Variants in LRMDA observed in about 807,000 individuals in gnomAD.
LRMDA encodes leucine-rich melanocyte differentiation-associated protein.
Under a neutral mutation model 29.8 loss-of-function variants are expected in LRMDA, and 18 were observed. The observed-to-expected ratio is 0.60, with a 90% CI of 0.42 to 0.90. The LOEUF is 0.90. Ranked by LOEUF, LRMDA falls within the 40% of genes least tolerant of loss-of-function variation. LRMDA has a pLI of 0.00. For missense variants in LRMDA, 273 were observed against 273.9 expected, an observed-to-expected ratio of 1.00 and a Z score of 0.02; for synonymous variants, 125 against 109.4, an observed-to-expected ratio of 1.14 and a Z score of -0.89.
chr10:75,595,129 A>C (rs1030663138), intron 2 of LRMDA, among the ~76,000 whole-genome samples: 10 of 152,218 alleles, frequency 6.6e-5, no homozygotes, highest in Admixed American at 4.6e-4. Flanking sequence ...CATGAAATAC[A>C]AATCTTTTGA....
Position 76,414,956 on chromosome 10 carries a change from G to A in LRMDA, c.601+90471G>A, listed in dbSNP as rs113791352. On this transcript the variant is annotated intron_variant, in intron 6 of 6. Coordinates refer to ENST00000611255, the MANE Select transcript of LRMDA (RefSeq NM_001305581.2). ...AGCAGAGTAAGAAGAAAAGGAGAGC[G>A]AGGCTTCATAAGCACTTGGTTCTTT... 8.0e-3 allele frequency among the ~76,000 whole-genome samples: 1,219 copies of A among 152,370 alleles called. 13 individuals are homozygous for A. The highest frequency in any genetic ancestry group is 0.028 in the African/African-American group (1,156 of 41,590).
chr10:75,527,983 G>T (rs1047732850), intron 2 of LRMDA, among the ~76,000 whole-genome samples: 4 of 151,628 alleles, frequency 2.6e-5, no homozygotes, highest in Non-Finnish European at 5.9e-5. Context: ...ACAGGGTTTC[G>T]CCATGTTGCC....
intron 5 of LRMDA, among the ~76,000 whole-genome samples, chr10:76,293,797 T>A (rs1840379285): frequency 6.6e-6 from 1 of 152,256 alleles, no homozygotes; most frequent in Non-Finnish European, 1.5e-5. Context: ...AACCACCATC[T>A]ATTCCTCCCA....
At chr10:76,250,679 C>G (rs1274916213) in intron 5 of LRMDA, among the ~76,000 whole-genome samples, 1 of 152,040 alleles carries the variant, frequency 6.6e-6, no homozygotes, top group African/African-American at 2.4e-5. Flanking sequence ...TTTGGTTTCC[C>G]CCTTAGATAA....
intron 2 of LRMDA, among the ~76,000 whole-genome samples, chr10:75,804,866 G>A (rs1439498459): frequency 6.6e-6 from 1 of 152,230 alleles, no homozygotes; most frequent in African/African-American, 2.4e-5. Flanking sequence ...CATGAGAGGA[G>A]TGGTCCCTGC....
At chr10:75,535,098 G>A (rs921829447) in intron 2 of LRMDA, among the ~76,000 whole-genome samples, 12 of 152,020 alleles carry the variant, frequency 7.9e-5, no homozygotes, top group Admixed American at 2.0e-4. Flanking sequence ...CACTATTTTT[G>A]GTAAAAGACA....
At chr10:75,639,685 A>T (rs548244193) in intron 2 of LRMDA, among the ~76,000 whole-genome samples, 1 of 152,140 alleles carries the variant, frequency 6.6e-6, no homozygotes, top group Admixed American at 6.5e-5. Flanking sequence ...GTTAACAGGG[A>T]CCCCGGCTTG....
intron 6 of LRMDA, among the ~76,000 whole-genome samples, chr10:76,407,242 A>G (rs1419716279): frequency 1.3e-5 from 2 of 152,218 alleles, no homozygotes; most frequent in Non-Finnish European, 2.9e-5. Flanking sequence ...TAAGAGAAAA[A>G]TAGTTGTTTG....
chr10:76,056,973 G>C (rs967096348), intron 4 of LRMDA, among the ~76,000 whole-genome samples: 1 of 152,162 alleles, frequency 6.6e-6, no homozygotes, highest in Admixed American at 6.5e-5. Flanking sequence ...TGCTCCAGAT[G>C]GGCTGCTACT....
chr10:76,205,108 T>G (rs1472430529), intron 5 of LRMDA, among the ~76,000 whole-genome samples: 1 of 152,176 alleles, frequency 6.6e-6, no homozygotes, highest in Admixed American at 6.5e-5. Context: ...AGAGGATGCC[T>G]AGGTCCCAAG....
chr10:76,429,994 A>G (rs575733849), intron 6 of LRMDA, among the ~76,000 whole-genome samples: 1 of 152,354 alleles, frequency 6.6e-6, no homozygotes, highest in Non-Finnish European at 1.5e-5. Context: ...AACACTTGGA[A>G]CATTTATATT....
chr10:76,140,449 T>C (rs72815536), intron 5 of LRMDA, among the ~76,000 whole-genome samples: 17,378 of 152,100 alleles, frequency 0.11, 1,146 homozygotes, highest in East Asian at 0.24. Context: ...TCTTTCTCTG[T>C]TTCATTTCAA....
intron 6 of LRMDA, among the ~76,000 whole-genome samples, chr10:76,552,819 T>C (rs1200565074): frequency 6.6e-6 from 1 of 152,080 alleles, no homozygotes; most frequent in Non-Finnish European, 1.5e-5. Flanking sequence ...GATGAATGGA[T>C]GTGCAAGAAT....
intron 6 of LRMDA, among the ~76,000 whole-genome samples, chr10:76,489,837 T>C (rs1411214466): frequency 6.6e-6 from 1 of 150,710 alleles, no homozygotes; most frequent in Non-Finnish European, 1.5e-5. Context: ...ATTATATGTA[T>C]ATATATAGCT....
chr10:76,317,902 C>T (rs556959003), intron 5 of LRMDA, among the ~76,000 whole-genome samples: 3 of 152,296 alleles, frequency 2.0e-5, no homozygotes, highest in East Asian at 3.9e-4. Flanking sequence ...TACTTATTAA[C>T]TACTACTTAT....
chr10:75,818,839 G>A (rs1013664116), intron 2 of LRMDA, among the ~76,000 whole-genome samples: 9 of 152,292 alleles, frequency 5.9e-5, no homozygotes, highest in African/African-American at 2.2e-4. Flanking sequence ...TGCAGGGCAC[G>A]TTGAAATCCA....
At chr10:76,106,818 T>G (rs1849493122) in intron 5 of LRMDA, among the ~76,000 whole-genome samples, 1 of 152,234 alleles carries the variant, frequency 6.6e-6, no homozygotes, top group South Asian at 2.1e-4. Flanking sequence ...GCAGCTTCTC[T>G]GTAGCGACAG....
At chr10:75,572,153 C>T (rs1407525599) in intron 2 of LRMDA, among the ~76,000 whole-genome samples, 1 of 152,078 alleles carries the variant, frequency 6.6e-6, no homozygotes, top group Non-Finnish European at 1.5e-5. Flanking sequence ...GGGGTTTCAC[C>T]ATGTTGGCCA....
intron 2 of LRMDA, among the ~76,000 whole-genome samples, chr10:75,848,531 C>A (rs1395418894): frequency 6.6e-6 from 1 of 152,152 alleles, no homozygotes; most frequent in Admixed American, 6.6e-5. Context: ...GTACTGTGAT[C>A]CAGCATTGGG....
Sources: allele counts gnomAD v4.1 joint callset (sites outside exome capture counted in the v4.1 genomes callset), GRCh38; gene constraint gnomAD v4.1.1; transcripts MANE v1.5; gene names NCBI Gene and HGNC (gene_info 2026-07-23, HGNC 2026-07-21).